The following AHRR variants were observed in gnomAD, a reference collection of about 807,000 sequenced individuals.
AHRR encodes the protein ahR repressor.
In AHRR, 28 loss-of-function variants were observed where a neutral mutation model predicts 44.0. The observed-to-expected ratio is 0.64, with a 90% CI of 0.47 to 0.87. The LOEUF (loss-of-function observed/expected upper bound fraction) is 0.87, where lower values mean the gene tolerates loss of function less well. AHRR is among the 40% of genes least tolerant of loss of function. The pLI is 0.00. For missense variants in AHRR, 990 were observed against 953.9 expected (o/e 1.04, Z -0.50); for synonymous variants, 434 against 407.0 (o/e 1.07, Z -0.80).
At position 437,339 on chromosome 5, in the gene AHRR, G is replaced by A. The variant is rs1737129927; in HGVS notation, c.*2505G>A. The A allele has an allele frequency of 6.6e-6, 1 of 152,384 alleles. No individual in the cohort carries two copies. Among genetic ancestry groups the A allele is most frequent in the Non-Finnish European group, 1.5e-5 (1 of 68,078 alleles). 9.4% of individuals were successfully genotyped at this position (152,384 alleles called of 1,614,324 possible). ...GCTCCCTTCAGCCTGGGCGCCGCCT[G>A]GGTCCCAAACGTGGCAGCTGCTCTT... On this transcript the variant is annotated 3_prime_UTR_variant, in exon 11 of 11. Coordinates refer to ENST00000684583, the MANE Select transcript of AHRR (RefSeq NM_001377236.1).
At chr5:403,925 G>A in intron 4 of AHRR, 4 of 1,561,666 alleles carry the variant, frequency 2.6e-6, no homozygotes, top group Admixed American at 1.7e-5. Flanking sequence ...GGCACAGTCT[G>A]GAGTATTTGA....
At chr5:414,375 G>A (rs991641538) in intron 5 of AHRR, among the ~76,000 whole-genome samples, 18 of 152,264 alleles carry the variant, frequency 1.2e-4, no homozygotes, top group African/African-American at 3.9e-4. Flanking sequence ...TCAGATGCTG[G>A]TTGTAGAATT....
chr5:397,123 T>C (rs1320153551), intron 4 of AHRR, among the ~76,000 whole-genome samples: 6 of 94,692 alleles, frequency 6.3e-5, no homozygotes, highest in East Asian at 3.0e-4. Flanking sequence ...TGACCATCCA[T>C]GTTAGCCCCT....
Position 353,759 on chromosome 5 carries a change from A to G in AHRR, c.92A>G (p.Asn31Ser). 1.9e-6 allele frequency: 3 copies of G among 1,612,270 alleles called. No individual in the cohort carries two copies. Among genetic ancestry groups the G allele is most frequent in the Admixed American group, 1.7e-5 (1 of 59,952 alleles). Residue 31 changes from asparagine (N) to serine (S), a missense_variant, in exon 3 of 11, where the codon AAC becomes AGC. Transcript: ENST00000684583. Reference protein sequence around the residue: ...QRPAVGAEKSNPSKRHRDRLN... With the variant: ...QRPAVGAEKSSPSKRHRDRLN... ...CCCGCCGTGGGGGCAGAGAAGTCCA[A>G]CCCCTCCAAGCGACACCGGGACCGC...
chr5:428,405 C>T (rs1358299665), intron 8 of AHRR, among the ~76,000 whole-genome samples: 2 of 152,220 alleles, frequency 1.3e-5, no homozygotes, highest in Non-Finnish European at 2.9e-5. Context: ...GCAGGACATG[C>T]CGGAGAGATG....
intron 4 of AHRR, among the ~76,000 whole-genome samples, chr5:392,449 A>C (rs1734508265): frequency 6.6e-6 from 1 of 151,248 alleles, no homozygotes; most frequent in African/African-American, 2.4e-5. Context: ...AGGCAGGCGC[A>C]GGGCGAGGCA....
At chr5:409,730 A>C (rs1387987724) in intron 4 of AHRR, among the ~76,000 whole-genome samples, 1 of 151,550 alleles carries the variant, frequency 6.6e-6, no homozygotes, top group African/African-American at 2.4e-5. Flanking sequence ...TGTGCTGTGC[A>C]TATTTTTTCT....
At position 387,429 on chromosome 5, in the gene AHRR, G is replaced by A. The variant is rs1176605281; in HGVS notation, c.351+10713G>A. ...AAATAATGAGGATTGCCCTCTTCTTGTACAGCAGGGACCCCATTGTGGGGG... is the reference window on the plus strand; with the variant it reads ...AAATAATGAGGATTGCCCTCTTCTTATACAGCAGGGACCCCATTGTGGGGG... On this transcript the variant is annotated intron_variant, in intron 4 of 10. Coordinates refer to ENST00000684583, the MANE Select transcript of AHRR (RefSeq NM_001377236.1). The surrounding 1 kb of genome is among the most constrained non-coding windows in gnomAD (Gnocchi z 5.1). Among the ~76,000 whole-genome samples the A allele has an allele frequency of 6.6e-6, 1 of 152,238 alleles. No homozygotes were observed. The highest frequency in any genetic ancestry group is 1.5e-5 in the Non-Finnish European group (1 of 68,038).
chr5:361,737 C>G (rs1743191026), intron 3 of AHRR, among the ~76,000 whole-genome samples: 1 of 152,188 alleles, frequency 6.6e-6, no homozygotes, highest in African/African-American at 2.4e-5. Context: ...CCATCCCATG[C>G]CTGTTCACTG....
chr5:343,807 G>T, intron 1 of AHRR, 86 bp from the exon 2 acceptor site: 1 of 1,419,692 alleles, frequency 7.0e-7, no homozygotes, highest in Non-Finnish European at 9.5e-7. Context: ...GGGGCGCCAG[G>T]ACCGCGCTGA....
rs750670368 is a variant in AHRR, at chr5:353,908, C to A, written c.241C>A (p.Gln81Lys). The change falls in exon 3 of 11, where the codon CAA (glutamine) becomes AAA (lysine). Residue 81 changes from glutamine (Q) to lysine (K), a missense_variant. Gln to Lys is a moderately conservative substitution (Grantham distance 53, BLOSUM62 1). Coordinates refer to ENST00000684583, the MANE Select transcript of AHRR (RefSeq NM_001377236.1). ...VSYLRVKSFF[Q>K]VVQEQSSRQP... ...TTACCTCCGGGTGAAGAGCTTCTTCCAAGGTAGGACTCTCACCTGCTCCCA... is the reference window on the plus strand; with the variant it reads ...TTACCTCCGGGTGAAGAGCTTCTTCAAAGGTAGGACTCTCACCTGCTCCCA... 6.2e-7 allele frequency: 1 copy of A among 1,612,202 alleles called. No individual in the cohort carries two copies. Among genetic ancestry groups the A allele is most frequent in the South Asian group, 1.1e-5 (1 of 90,798 alleles).
intron 6 of AHRR, 38 bp from the exon 7 acceptor site, chr5:423,803 C>T (rs116223172): frequency 3.2e-6 from 5 of 1,559,378 alleles, no homozygotes; most frequent in Non-Finnish European, 4.3e-6. Context: ...GTTTTGGCTT[C>T]TCCCACCGCC....
At chr5:344,803 CTG>C (rs201087017) in intron 2 of AHRR, among the ~76,000 whole-genome samples, 1,037 of 79,938 alleles carry the variant, frequency 0.013, 296 homozygotes, top group African/African-American at 0.084. Context: ...CTGTGTGAGA[CTG>C]TGTGTGCGGG....
chr5:323,271 G>C (rs895999521), intron 1 of AHRR, among the ~76,000 whole-genome samples: 2 of 152,256 alleles, frequency 1.3e-5, no homozygotes, highest in Non-Finnish European at 2.9e-5. Context: ...GGGGAGTTTG[G>C]TCCAGTCCAA....
At chr5:380,362 C>T (rs1462893458) in intron 4 of AHRR, among the ~76,000 whole-genome samples, 1 of 152,088 alleles carries the variant, frequency 6.6e-6, no homozygotes, top group Non-Finnish European at 1.5e-5. Context: ...CCGATATCTA[C>T]AAAAATCCCT....
intron 4 of AHRR, among the ~76,000 whole-genome samples, chr5:391,307 G>GC (rs202185917): frequency 0.064 from 4,919 of 76,810 alleles, 204 homozygotes; most frequent in Non-Finnish European, 0.11. Context: ...GATTAGGAAG[G>GC]TGGGCCAGAG....
At position 406,926 on chromosome 5, in the gene AHRR, C is replaced by T. The variant is rs1375680520; in HGVS notation, c.352-6418C>T. On this transcript the variant is annotated intron_variant, in intron 4 of 10. Coordinates refer to ENST00000684583, the MANE Select transcript of AHRR (RefSeq NM_001377236.1). The surrounding 1 kb of genome is among the most constrained non-coding windows in gnomAD (Gnocchi z 4.7). ...ATAACAAAGTTTCTTAATAGGGCACCAGTTATTGAAAAGCCTATCTCTGTC... is the reference window on the plus strand; with the variant it reads ...ATAACAAAGTTTCTTAATAGGGCACTAGTTATTGAAAAGCCTATCTCTGTC... Among the ~76,000 whole-genome samples the T allele has an allele frequency of 6.6e-6, 1 of 152,300 alleles. No homozygotes were observed. Among genetic ancestry groups the T allele is most frequent in the East Asian group, 1.9e-4 (1 of 5,184 alleles).
rs917722852 is a variant in AHRR at position 419,150 on chromosome 5, T to C, written c.442-3579T>C. 1 of 137,760 alleles carries C rather than the reference T, an allele frequency of 7.3e-6. No individual in the cohort carries two copies. The highest frequency in any genetic ancestry group is 1.5e-5 in the Non-Finnish European group (1 of 65,530). The allele number at this position is 137,760 out of a possible 1,614,324, so 8.5% of individuals were successfully genotyped here. ...CGTTGGGGCTGAGGGCAAGAATCTA[T>C]TTTTTAAAAGGAATGGGATTTTTTT... On this transcript the variant is annotated intron_variant, in intron 5 of 10. Transcript: ENST00000684583. This position sits in a 1 kb window ranked among gnomAD's most constrained non-coding sequence, Gnocchi z 4.4.
chr5:376,530 A>G (rs1733672645), intron 3 of AHRR, 80 bp from the exon 4 acceptor site: 16 of 1,449,832 alleles, frequency 1.1e-5, no homozygotes, highest in Admixed American at 6.7e-5. Flanking sequence ...AACGCGGGGA[A>G]ACACAGGAAA....
Sources: gnomAD v4.1 joint callset for allele counts (sites outside exome capture counted in the v4.1 genomes callset) on GRCh38, gnomAD v4.1.1 for gene constraint, Gnocchi (gnomAD v3.1) non-coding constraint, MANE v1.5 for transcripts, NCBI Gene and HGNC (gene_info 2026-07-23, HGNC 2026-07-21) for gene names.